ROS1: variants seen among roughly 807,000 people sequenced by gnomAD.
ROS1 encodes the protein proto-oncogene tyrosine-protein kinase ROS.
In ROS1, 263 loss-of-function variants were observed where a neutral mutation model predicts 273.5. The observed-to-expected ratio is 0.96, with a 90% CI of 0.87 to 1.06. The LOEUF (loss-of-function observed/expected upper bound fraction) is 1.06. Ranked by LOEUF, ROS1 falls within the 50% of genes least tolerant of loss-of-function variation. ROS1 has a pLI of 0.00. For synonymous variants in ROS1, 1,008 were observed against 954.1 expected (o/e 1.06, Z -1.04); for missense variants, 2,833 against 2,751.1 (o/e 1.03, Z -0.67).
At chr6:117,312,080 T>C (rs1283811678) in intron 39 of ROS1, among the ~76,000 whole-genome samples, 2 of 152,134 alleles carry the variant, frequency 1.3e-5, no homozygotes, top group African/African-American at 4.8e-5. Flanking sequence ...TACAAGTCTA[T>C]TAATTTCCTA....
chr6:117,419,656 A>G (rs1472378232), intron 1 of ROS1, among the ~76,000 whole-genome samples: 1 of 152,172 alleles, frequency 6.6e-6, no homozygotes, highest in African/African-American at 2.4e-5. Flanking sequence ...ATCAGGTGAG[A>G]GATAATGAGT....
rs145295650 is a variant in ROS1, at chr6:117,356,280, T to C, written c.4126+349A>G. On this transcript the variant is annotated intron_variant, in intron 26 of 43. Transcript: ENST00000368507. ...TTACCTTACTTTTCTCAGCCTCAGT[T>C]TCCTCATCTGTAAAATGAGGATATT... 1.1e-3 allele frequency among the ~76,000 whole-genome samples: 170 copies of C among 152,326 alleles called. 1 individual carries two copies. Among genetic ancestry groups the C allele is most frequent in the African/African-American group, 3.9e-3 (164 of 41,588 alleles).
chr6:117,366,799 C>T (rs1780287015), intron 18 of ROS1, among the ~76,000 whole-genome samples: 1 of 152,082 alleles, frequency 6.6e-6, no homozygotes, highest in Admixed American at 6.6e-5. Flanking sequence ...CAGGCATGAG[C>T]ACTGTGCTCT....
chr6:117,390,795 T>C (rs1288732210), intron 12 of ROS1, among the ~76,000 whole-genome samples: 1 of 152,096 alleles, frequency 6.6e-6, no homozygotes, highest in Non-Finnish European at 1.5e-5. Context: ...AACGGAAGAA[T>C]TAGAGAAGCA....
rs1420222154 is a variant in ROS1 at position 117,418,513 on chromosome 6, TGAA to T, written c.124-10_124-8del. On this transcript the variant is annotated splice_polypyrimidine_tract_variant and splice_region_variant and intron_variant, in intron 1 of 43. Coordinates refer to ENST00000368507, the MANE Select transcript of ROS1 (RefSeq NM_001378902.1). ...CAAGGTCAAGCTGCTGGCCCTGAAA[TGAA>T]GAAGGAGGTAGTAAACACCAGCCAT... The T allele has an allele frequency of 5.6e-6, 9 of 1,598,250 alleles. 1 individual carries two copies. The highest frequency in any genetic ancestry group is 2.3e-5 in the South Asian group (2 of 88,036).
At chr6:117,395,648 T>G (rs1773431840) in intron 9 of ROS1, among the ~76,000 whole-genome samples, 1 of 152,202 alleles carries the variant, frequency 6.6e-6, no homozygotes, top group Non-Finnish European at 1.5e-5. Flanking sequence ...CAGTAAGTAT[T>G]CAGTCACTTG....
intron 9 of ROS1, among the ~76,000 whole-genome samples, chr6:117,395,118 G>C (rs1328882752): frequency 6.6e-6 from 1 of 152,090 alleles, no homozygotes; most frequent in Non-Finnish European, 1.5e-5. Flanking sequence ...CACACATATT[G>C]TCAGACACTG....
At position 117,409,642 on chromosome 6, in the gene ROS1, G is replaced by T. The variant is rs746684942; in HGVS notation, c.256C>A (p.Arg86=). ...CTACAGCCAACCTCACACGACTCCC[G>T]CTGTGGAAGACAGGGAGCATGACAG... ...CNDTYATVCE[R]ESCEVGCSSA... The change falls in exon 5 of 44, where the codon CGG becomes AGG. Residue 86 remains arginine, a splice_region_variant and synonymous_variant. Transcript: ENST00000368507. 4 of 1,613,196 alleles carry T rather than the reference G, an allele frequency of 2.5e-6. No homozygotes were observed. The highest frequency in any genetic ancestry group is 3.4e-6 in the Non-Finnish European group (4 of 1,179,436).
At chr6:117,354,406 A>G (rs1188453025) in intron 26 of ROS1, among the ~76,000 whole-genome samples, 2 of 152,152 alleles carry the variant, frequency 1.3e-5, no homozygotes, top group African/African-American at 4.8e-5. Flanking sequence ...TACATAGTTG[A>G]ATGGCTATCA....
At chr6:117,394,085 T>C (rs1053535964) in intron 11 of ROS1, 77 bp downstream of exon 11, 1 of 912,320 alleles carries the variant, frequency 1.1e-6, no homozygotes, top group African/African-American at 1.7e-5. Flanking sequence ...GGCAATTGTG[T>C]TTAGTATTAA....
intron 26 of ROS1, among the ~76,000 whole-genome samples, 177 bp downstream of exon 26, chr6:117,356,452 C>T (rs1779310139): frequency 6.6e-6 from 1 of 152,104 alleles, no homozygotes; most frequent in African/African-American, 2.4e-5. Context: ...TATGTGAATG[C>T]CTACATACAA....
At chr6:117,318,045 C>T (rs1314193765) in intron 38 of ROS1, 143 bp downstream of exon 38, 6 of 657,134 alleles carry the variant, frequency 9.1e-6, no homozygotes, top group Non-Finnish European at 1.6e-5. Context: ...ACTACTTGCT[C>T]TGCAGATGTA....
chr6:117,372,022 G>T (rs1003075419), intron 18 of ROS1, among the ~76,000 whole-genome samples: 1 of 152,070 alleles, frequency 6.6e-6, no homozygotes, highest in African/African-American at 2.4e-5. Flanking sequence ...CTCTCTTGGG[G>T]GCTCTATAGC....
chr6:117,328,814 C>T (rs2128591130), intron 33 of ROS1: 1 of 613,488 alleles, frequency 1.6e-6, no homozygotes, highest in East Asian at 3.4e-5. Context: ...TTTTCAGTCC[C>T]TGGGAACACA....
intron 38 of ROS1, 45 bp from the exon 39 acceptor site, chr6:117,317,317 G>C (rs1452976300): frequency 6.3e-7 from 1 of 1,588,230 alleles, no homozygotes; most frequent in Non-Finnish European, 8.6e-7. Flanking sequence ...ACAGAAGCAG[G>C]AGTCCTAGCC....
At position 117,353,077 on chromosome 6, in the gene ROS1, T is replaced by C; in HGVS notation, c.4216A>G (p.Lys1406Glu). The change falls in exon 27 of 44, where the codon AAA (lysine) becomes GAA (glutamate). Residue 1406 changes from lysine to glutamate, a missense_variant. Transcript: ENST00000368507. Reference protein sequence around the residue: ...KDSTQIYQAKKGNGAIVSQVK... With the variant: ...KDSTQIYQAKEGNGAIVSQVK... Reference sequence around the variant, plus strand: ...TGGGAAACGATGGCCCCATTTCCTTTCTTTGCCTGATAAATCTGTGTGCTG... The same window carrying C: ...TGGGAAACGATGGCCCCATTTCCTTCCTTTGCCTGATAAATCTGTGTGCTG... 2 of 1,614,174 alleles carry C rather than the reference T, an allele frequency of 1.2e-6. No individual in the cohort carries two copies. Among genetic ancestry groups the C allele is most frequent in the South Asian group, 2.2e-5 (2 of 91,082 alleles).
intron 1 of ROS1, 95 bp from the exon 2 acceptor site, chr6:117,418,601 C>T: frequency 1.2e-6 from 1 of 814,364 alleles, no homozygotes; most frequent in South Asian, 2.1e-5. Context: ...AATAACGTTG[C>T]CTCCTCCGCA....
At chr6:117,421,711 A>C (rs1035222161) in intron 1 of ROS1, among the ~76,000 whole-genome samples, 1 of 152,196 alleles carries the variant, frequency 6.6e-6, no homozygotes, top group African/African-American at 2.4e-5. Context: ...TTATATTCTA[A>C]ATTCATCTTA....
In ROS1 at chr6:117,365,562, A is replaced by G; in HGVS notation, c.2958+19T>C. The G allele has an allele frequency of 3.1e-6, 5 of 1,605,932 alleles. No homozygotes were observed. Among genetic ancestry groups the G allele is most frequent in the Non-Finnish European group, 3.4e-6 (4 of 1,172,616 alleles). On this transcript the variant is annotated intron_variant, in intron 20 of 43. Transcript: ENST00000368507. ...ACAGTCTGTTTGGGAAATGAAAGTT[A>G]CTAGAACCAACACCATACCTTAGAA... is the stretch of plus-strand genomic sequence containing the variant.
Sources: gnomAD v4.1 joint callset for allele counts (sites outside exome capture counted in the v4.1 genomes callset) on GRCh38, gnomAD v4.1.1 for gene constraint, MANE v1.5 for transcripts, NCBI Gene and HGNC (gene_info 2026-07-23, HGNC 2026-07-21) for gene names.